Variants in GPC5 observed in about 807,000 individuals in gnomAD.
GPC5 encodes the protein glypican 5, also known as glypican-5.
Under a neutral mutation model 53.9 loss-of-function variants are expected in GPC5, and 47 were observed. The observed-to-expected ratio is 0.87, with a 90% CI of 0.69 to 1.11. The LOEUF (loss-of-function observed/expected upper bound fraction) is 1.11. Among genes scored for constraint, GPC5 ranks in the 50% most tolerant of loss-of-function variants. GPC5 has a pLI of 0.00. For missense variants in GPC5, 748 were observed against 713.1 expected, an observed-to-expected ratio of 1.05 and a Z score of -0.56; for synonymous variants, 286 against 263.3, an observed-to-expected ratio of 1.09 and a Z score of -0.84.
chr13:92,247,597 T>G (rs1463510850), intron 7 of GPC5, among the ~76,000 whole-genome samples: 1 of 152,100 alleles, frequency 6.6e-6, no homozygotes, highest in Non-Finnish European at 1.5e-5. Flanking sequence ...CCCCTTATGT[T>G]TGTTGCAATG....
chr13:92,577,558 A>T (rs1281071162), intron 7 of GPC5, among the ~76,000 whole-genome samples: 1 of 152,000 alleles, frequency 6.6e-6, no homozygotes, highest in African/African-American at 2.4e-5. Context: ...CAATTTCCAA[A>T]ATCCATGTGG....
chr13:92,566,176 C>T (rs989686269), intron 7 of GPC5, among the ~76,000 whole-genome samples: 2 of 152,088 alleles, frequency 1.3e-5, no homozygotes, highest in South Asian at 2.1e-4. Context: ...CCTAAAGGTC[C>T]TATACACTAT....
At chr13:91,716,135 A>G (rs550670772) in intron 3 of GPC5, among the ~76,000 whole-genome samples, 2 of 152,114 alleles carry the variant, frequency 1.3e-5, no homozygotes, top group South Asian at 2.1e-4. Context: ...ATAACATACT[A>G]TGGATTTTAT....
At chr13:91,766,952 CAT>C (rs2037537706) in intron 5 of GPC5, among the ~76,000 whole-genome samples, 1 of 152,132 alleles carries the variant, frequency 6.6e-6, no homozygotes, top group Admixed American at 6.5e-5. Context: ...CTAGATATAA[CAT>C]AGTCAATAAC....
intron 7 of GPC5, among the ~76,000 whole-genome samples, chr13:92,378,956 G>A (rs1046427910): frequency 6.6e-6 from 1 of 152,164 alleles, no homozygotes; most frequent in African/African-American, 2.4e-5. Context: ...TATTGTGTCT[G>A]AAGAACATCA....
At chr13:92,638,265 G>A (rs541611389) in intron 7 of GPC5, among the ~76,000 whole-genome samples, 2 of 152,150 alleles carry the variant, frequency 1.3e-5, no homozygotes, top group South Asian at 4.2e-4. Context: ...ACTTTATATT[G>A]ACCTGAACAT....
chr13:92,264,339 A>C (rs1386021831), intron 7 of GPC5, among the ~76,000 whole-genome samples: 1 of 152,170 alleles, frequency 6.6e-6, no homozygotes, highest in African/African-American at 2.4e-5. Flanking sequence ...GAGTAAACCC[A>C]AGGCAACAAA....
rs1417802704 is a variant in GPC5 at position 92,159,233 on chromosome 13, G to A, written c.1561+14244G>A. 2.0e-5 allele frequency among the ~76,000 whole-genome samples: 3 copies of A among 152,258 alleles called. No individual in the cohort carries two copies. The East Asian group carries it at 5.8e-4, about 29-fold the overall frequency. On this transcript the variant is annotated intron_variant, in intron 7 of 7. Transcript: ENST00000377067. ...TTTTATTTTTTTCTGCCAATGGAAA[G>A]TCCTAAAAGGAGATTAAAAGAGGGA...
intron 6 of GPC5, among the ~76,000 whole-genome samples, chr13:92,039,330 G>A (rs924053474): frequency 1.3e-5 from 2 of 152,190 alleles, no homozygotes; most frequent in African/African-American, 4.8e-5. Flanking sequence ...GTAGAGAGTG[G>A]AAAATGATGG....
At chr13:91,450,373 T>C (rs1468914465) in intron 2 of GPC5, among the ~76,000 whole-genome samples, 8 of 152,176 alleles carry the variant, frequency 5.3e-5, no homozygotes, top group Admixed American at 1.3e-4. Flanking sequence ...ATATGAAATA[T>C]ACATTTTGGA....
At chr13:91,861,812 A>G (rs1011678285) in intron 5 of GPC5, among the ~76,000 whole-genome samples, 4 of 150,904 alleles carry the variant, frequency 2.7e-5, no homozygotes, top group African/African-American at 9.7e-5. Flanking sequence ...TAAATTGCAT[A>G]GATGAGTTAG....
intron 2 of GPC5, among the ~76,000 whole-genome samples, chr13:91,685,701 C>T (rs1182017462): frequency 6.6e-6 from 1 of 151,858 alleles, no homozygotes; most frequent in Non-Finnish European, 1.5e-5. Context: ...AACAGGTGCT[C>T]AAAATATATT....
chr13:91,564,889 A>T (rs1367471088), intron 2 of GPC5, among the ~76,000 whole-genome samples: 1 of 152,134 alleles, frequency 6.6e-6, no homozygotes, highest in Non-Finnish European at 1.5e-5. Context: ...TTCATATTTT[A>T]TAAATTAAAT....
chr13:91,716,614 A>G (rs1289278250), intron 3 of GPC5, among the ~76,000 whole-genome samples: 2 of 152,140 alleles, frequency 1.3e-5, no homozygotes, highest in Admixed American at 6.5e-5. Flanking sequence ...AATATTCTGC[A>G]TAATAAGCAT....
At chr13:91,548,703 C>G (rs779792712) in intron 2 of GPC5, among the ~76,000 whole-genome samples, 1 of 152,176 alleles carries the variant, frequency 6.6e-6, no homozygotes, top group Non-Finnish European at 1.5e-5. Flanking sequence ...GACCTCAAGA[C>G]TTTCTATAAA....
intron 6 of GPC5, among the ~76,000 whole-genome samples, chr13:92,089,227 G>A (rs189489013): frequency 6.6e-6 from 1 of 152,334 alleles, no homozygotes; most frequent in African/African-American, 2.4e-5. Flanking sequence ...GAGGTCAGGA[G>A]ATGGAGACTA....
At chr13:92,224,899 G>T (rs1433783063) in intron 7 of GPC5, among the ~76,000 whole-genome samples, 3 of 152,096 alleles carry the variant, frequency 2.0e-5, no homozygotes, top group Non-Finnish European at 4.4e-5. Flanking sequence ...TAGGTTTGTT[G>T]CAGTAATATA....
Position 92,558,398 on chromosome 13 carries a change from C to A in GPC5, c.1562-307884C>A, listed in dbSNP as rs1271644552. Among the ~76,000 whole-genome samples, 7 of 151,782 alleles carry A rather than the reference C, an allele frequency of 4.6e-5. No individual in the cohort carries two copies. The South Asian group carries it at 6.2e-4, about 13-fold the overall frequency. On this transcript the variant is annotated intron_variant, in intron 7 of 7. Coordinates refer to ENST00000377067, the MANE Select transcript of GPC5 (RefSeq NM_004466.6). ...AGATAGTTATTTTGTAATTTTTTTG[C>A]AAAAAGTTACACAAAAGTGCACATA... is the stretch of plus-strand genomic sequence containing the variant.
intron 6 of GPC5, among the ~76,000 whole-genome samples, chr13:92,004,482 ATATATAT>A (rs2040587768): frequency 7.4e-6 from 1 of 135,438 alleles, no homozygotes; most frequent in African/African-American, 2.8e-5. Context: ...ATATATATAT[ATATATAT>A]AATTACACTA....
Sources: gnomAD v4.1 joint callset for allele counts (sites outside exome capture counted in the v4.1 genomes callset) on GRCh38, gnomAD v4.1.1 for gene constraint, MANE v1.5 for transcripts, NCBI Gene and HGNC (gene_info 2026-07-23, HGNC 2026-07-21) for gene names.